The following PHF2 variants were observed in gnomAD, a reference collection of about 807,000 sequenced individuals.
The protein encoded by PHF2 is PHD finger protein 2, also known as lysine-specific demethylase PHF2.
PHF2 carries 27 observed loss-of-function variants against 120.5 expected under a neutral mutation model. The observed-to-expected ratio is 0.22, with a 90% CI of 0.17 to 0.31. The LOEUF (loss-of-function observed/expected upper bound fraction) is 0.31. Ranked by LOEUF, PHF2 falls within the 10% of genes least tolerant of loss-of-function variation. The pLI is 1.00. For synonymous variants in PHF2, 568 were observed against 592.5 expected, an observed-to-expected ratio of 0.96 and a Z score of 0.60; for missense variants, 1,024 against 1,434.8, an observed-to-expected ratio of 0.71 and a Z score of 4.63.
chr9:93,576,895 C>G (rs1378203785), intron 1 of PHF2, 24 bp downstream of exon 1: 1 of 1,122,454 alleles, frequency 8.9e-7, no homozygotes, highest in Admixed American at 2.9e-5. Context: ...GGCTGCTCGG[C>G]TCGGCCCGGC....
rs1825619431 is a variant in PHF2 at position 93,610,689 on chromosome 9, A to C, written c.99-19281A>C. ...ATGTTTTGTAGTAAAAAAAAATTGG[A>C]AAACAAAAAGACTGTTCCCTTATAC... is the stretch of plus-strand genomic sequence containing the variant. On this transcript the variant is annotated intron_variant, in intron 1 of 21. Coordinates refer to ENST00000359246, the MANE Select transcript of PHF2 (RefSeq NM_005392.4). Among the ~76,000 whole-genome samples, 3 of 152,064 alleles carry C rather than the reference A, an allele frequency of 2.0e-5. No homozygotes were observed. In the South Asian group the frequency reaches 6.2e-4, roughly 31 times the overall value.
chr9:93,591,696 G>A (rs1032952491), intron 1 of PHF2, among the ~76,000 whole-genome samples: 7 of 152,174 alleles, frequency 4.6e-5, no homozygotes, highest in Non-Finnish European at 7.4e-5. Context: ...GGGGTGTCCT[G>A]GCCTACATGT....
chr9:93,635,486 C>T (rs1826074832), intron 2 of PHF2, among the ~76,000 whole-genome samples: 1 of 152,204 alleles, frequency 6.6e-6, no homozygotes, highest in African/African-American at 2.4e-5. Context: ...GCCAAGCAGC[C>T]CCCGAGGAGG....
At position 93,589,840 on chromosome 9, in the gene PHF2, T is replaced by C. The variant is rs1235018613; in HGVS notation, c.98+12969T>C. On this transcript the variant is annotated intron_variant, in intron 1 of 21. Transcript: ENST00000359246. The stretch of plus-strand genomic sequence containing the variant: ...GTCTCATGTTTCCACAGCCACCCCC[T>C]TTCCCTCTCTCCACACAAACAGCAG... 2.0e-5 allele frequency among the ~76,000 whole-genome samples: 3 copies of C among 152,150 alleles called. 1 individual carries two copies. In the East Asian group the frequency reaches 5.8e-4, roughly 29 times the overall value.
intron 12 of PHF2, among the ~76,000 whole-genome samples, 178 bp from the exon 13 acceptor site, chr9:93,662,729 T>C (rs1475158283): frequency 6.6e-6 from 1 of 151,680 alleles, no homozygotes; most frequent in East Asian, 1.9e-4. Flanking sequence ...AATGGATGGA[T>C]GGATGGGTGG....
At chr9:93,614,832 GGTGGTGATGGTGATAGTAATGATGA>G (rs2131631440) in intron 1 of PHF2, among the ~76,000 whole-genome samples, 1 of 128,626 alleles carries the variant, frequency 7.8e-6, no homozygotes, top group South Asian at 3.8e-4. Context: ...TAATGACGAT[GGTGGTGATGGTGATAGTAATGATGA>G]TGGTGATGAT....
chr9:93,579,004 T>C (rs1416051873), intron 1 of PHF2, among the ~76,000 whole-genome samples: 3 of 152,178 alleles, frequency 2.0e-5, no homozygotes, highest in African/African-American at 7.2e-5. Context: ...AAGTGAACCC[T>C]ACAGGGAGAA....
chr9:93,586,455 T>G (rs1045847444), intron 1 of PHF2, among the ~76,000 whole-genome samples: 1 of 152,212 alleles, frequency 6.6e-6, no homozygotes, highest in Non-Finnish European at 1.5e-5. Flanking sequence ...CCTGGTGGGC[T>G]TTGGATGGAG....
chr9:93,583,686 G>A (rs950906943), intron 1 of PHF2, among the ~76,000 whole-genome samples: 1 of 152,028 alleles, frequency 6.6e-6, no homozygotes, highest in African/African-American at 2.4e-5. Context: ...TCACATGCTT[G>A]TTGGCCATTG....
rs770964551 is a variant in PHF2 at position 93,674,907 on chromosome 9, T to A, written c.2627-20T>A. Reference sequence around the variant, plus strand: ...TGCCCTGCACTCAGCGGGCCACGCCTTCCCTCTGCCTCCCTCTAGTTTACC... The same window carrying A: ...TGCCCTGCACTCAGCGGGCCACGCCATCCCTCTGCCTCCCTCTAGTTTACC... On this transcript the variant is annotated intron_variant, in intron 18 of 21. Transcript: ENST00000359246. The A allele has an allele frequency of 4.4e-6, 7 of 1,596,860 alleles. No individual in the cohort carries two copies. In the East Asian group the frequency reaches 6.7e-5, roughly 15 times the overall value.
At position 93,604,625 on chromosome 9, in the gene PHF2, C is replaced by T. The variant is rs1231419942; in HGVS notation, c.99-25345C>T. Reference sequence around the variant, plus strand: ...GACTACAGGCGCCCGCCACCACACCCGGCTAATTTTTTGTATTTTTAGTAG... The same window carrying T: ...GACTACAGGCGCCCGCCACCACACCTGGCTAATTTTTTGTATTTTTAGTAG... On this transcript the variant is annotated intron_variant, in intron 1 of 21. Transcript: ENST00000359246. 5.3e-5 allele frequency among the ~76,000 whole-genome samples: 8 copies of T among 151,748 alleles called. No individual in the cohort carries two copies. The East Asian group carries it at 9.9e-4, about 19-fold the overall frequency.
At chr9:93,607,412 C>T (rs1368873845) in intron 1 of PHF2, among the ~76,000 whole-genome samples, 2 of 150,612 alleles carry the variant, frequency 1.3e-5, no homozygotes, top group South Asian at 2.1e-4. Flanking sequence ...GCTGGGACTA[C>T]AGGCCATGCA....
At position 93,677,047 on chromosome 9, in the gene PHF2, T is replaced by C. The variant is rs1488238592; in HGVS notation, c.3202+84T>C. ...GCCCCAGACATGCAGACTCGGCCCA[T>C]GGTAGAGGGCAGCACATTGGGAGGG... is the stretch of plus-strand genomic sequence containing the variant. On this transcript the variant is annotated intron_variant, in intron 21 of 21. Transcript: ENST00000359246. The surrounding 1 kb of genome is among the most constrained non-coding windows in gnomAD (Gnocchi z 4.4). The C allele has an allele frequency of 5.0e-6, 7 of 1,399,068 alleles. No individual in the cohort carries two copies. The highest frequency in any genetic ancestry group is 1.5e-5 in the South Asian group (1 of 66,830). 86.7% of individuals were successfully genotyped at this position (1,399,068 alleles called of 1,614,324 possible).
At chr9:93,637,102 CT>C (rs1226027789) in intron 3 of PHF2, among the ~76,000 whole-genome samples, 1 of 152,244 alleles carries the variant, frequency 6.6e-6, no homozygotes, top group Non-Finnish European at 1.5e-5. Flanking sequence ...GTCACACAGC[CT>C]TTATTTCTCC....
rs1826935378 is a variant in PHF2 at position 93,677,256 on chromosome 9, G to C, written c.3202+293G>C. On this transcript the variant is annotated intron_variant, in intron 21 of 21. Coordinates refer to ENST00000359246, the MANE Select transcript of PHF2 (RefSeq NM_005392.4). The surrounding 1 kb of genome is among the most constrained non-coding windows in gnomAD (Gnocchi z 4.4). Reference sequence around the variant, plus strand: ...CCAGCTGTGGGGACTGAGTGATGCAGCACGGGGTGCTGGCAGTGGCTCCTG... The same window carrying C: ...CCAGCTGTGGGGACTGAGTGATGCACCACGGGGTGCTGGCAGTGGCTCCTG... Among the ~76,000 whole-genome samples, 1 of 151,486 alleles carries C rather than the reference G, an allele frequency of 6.6e-6. No homozygotes were observed. Among genetic ancestry groups the C allele is most frequent in the African/African-American group, 2.4e-5 (1 of 41,228 alleles).
chr9:93,594,920 G>C (rs1331016403), intron 1 of PHF2: 1 of 153,996 alleles, frequency 6.5e-6, no homozygotes, highest in Non-Finnish European at 1.5e-5. Flanking sequence ...AAGGAATTAT[G>C]TATCTTCATT....
At chr9:93,610,775 T>C (rs1436575993) in intron 1 of PHF2, among the ~76,000 whole-genome samples, 1 of 152,206 alleles carries the variant, frequency 6.6e-6, no homozygotes, top group Non-Finnish European at 1.5e-5. Context: ...TGCTTCCTAT[T>C]TGGAGAAATG....
At chr9:93,608,821 A>G (rs1825587838) in intron 1 of PHF2, among the ~76,000 whole-genome samples, 1 of 151,352 alleles carries the variant, frequency 6.6e-6, no homozygotes, top group Admixed American at 6.6e-5. Context: ...TTTAAATTTT[A>G]TTTATTTGTT....
At chr9:93,615,643 GTGTCACAGGCT>G (rs1453823692) in intron 1 of PHF2, among the ~76,000 whole-genome samples, 2 of 152,178 alleles carry the variant, frequency 1.3e-5, no homozygotes, top group African/African-American at 4.8e-5. Context: ...CATGCACTGG[GTGTCACAGGCT>G]GCAGGTGATG....
Sources: allele counts gnomAD v4.1 joint callset (sites outside exome capture counted in the v4.1 genomes callset), GRCh38; gene constraint gnomAD v4.1.1; non-coding constraint Gnocchi (gnomAD v3.1); transcripts MANE v1.5; gene names NCBI Gene and HGNC (gene_info 2026-07-23, HGNC 2026-07-21).